CADPS2: variants seen among roughly 807,000 people sequenced by gnomAD.
The protein encoded by CADPS2 is calcium dependent secretion activator 2.
Under a neutral mutation model 172.5 loss-of-function variants are expected in CADPS2, and 93 were observed. The ratio of observed to expected loss-of-function variants is 0.54; its 90% CI spans 0.46 to 0.64. The LOEUF (loss-of-function observed/expected upper bound fraction) is 0.64, where lower values mean the gene tolerates loss of function less well. Ranked by LOEUF, CADPS2 falls within the 30% of genes least tolerant of loss-of-function variation. The pLI is 0.00. For synonymous variants in CADPS2, 546 were observed against 555.2 expected (o/e 0.98, Z 0.23); for missense variants, 1,420 against 1,565.9 (o/e 0.91, Z 1.57).
intron 3 of CADPS2, among the ~76,000 whole-genome samples, chr7:122,633,830 T>G (rs946922041): frequency 6.6e-6 from 1 of 152,156 alleles, no homozygotes; most frequent in African/African-American, 2.4e-5. Flanking sequence ...GGCTGTGAGT[T>G]TGTCATAGAT....
chr7:122,623,236 T>C (rs1278144541), intron 4 of CADPS2, among the ~76,000 whole-genome samples: 1 of 34,754 alleles, frequency 2.9e-5, no homozygotes, highest in East Asian at 6.7e-4. Context: ...TTTCCTTTAG[T>C]GGGGCGGGGG....
At chr7:122,612,317 T>A (rs2133807284) in intron 6 of CADPS2, among the ~76,000 whole-genome samples, 1 of 152,108 alleles carries the variant, frequency 6.6e-6, no homozygotes, top group African/African-American at 2.4e-5. Context: ...CCACTAAAAA[T>A]TTTAAAGTTA....
At chr7:122,441,262 A>G (rs1294393107) in intron 16 of CADPS2, among the ~76,000 whole-genome samples, 2 of 152,174 alleles carry the variant, frequency 1.3e-5, no homozygotes, top group Admixed American at 1.3e-4. Flanking sequence ...GAGGTAGGAA[A>G]AATGATTACT....
At chr7:122,360,429 T>A (rs373389567) in intron 27 of CADPS2, among the ~76,000 whole-genome samples, 18 of 152,324 alleles carry the variant, frequency 1.2e-4, no homozygotes, top group South Asian at 6.2e-4. Context: ...TTATTCTACC[T>A]TCTATAAGAA....
intron 23 of CADPS2, 26 bp downstream of exon 23, chr7:122,388,557 G>A (rs1411776882): frequency 1.3e-6 from 2 of 1,552,050 alleles, no homozygotes; most frequent in Admixed American, 1.9e-5. Context: ...GGCACATTAA[G>A]CAGCAATTTG....
At chr7:122,621,384 C>T (rs571442622) in intron 5 of CADPS2, 97 bp downstream of exon 5, 3 of 795,258 alleles carry the variant, frequency 3.8e-6, no homozygotes, top group African/African-American at 3.4e-5. Flanking sequence ...ATATATTACA[C>T]TGTTTTAAAT....
intron 3 of CADPS2, among the ~76,000 whole-genome samples, chr7:122,657,311 T>C (rs541757267): frequency 6.6e-6 from 1 of 152,202 alleles, no homozygotes; most frequent in South Asian, 2.1e-4. Flanking sequence ...TGGTTCCATA[T>C]GAACTTTAAA....
intron 2 of CADPS2, among the ~76,000 whole-genome samples, chr7:122,665,732 G>T (rs1247142997): frequency 6.6e-6 from 1 of 152,158 alleles, no homozygotes; most frequent in Non-Finnish European, 1.5e-5. Flanking sequence ...CCATTGTAAA[G>T]TTGAAAAATC....
intron 2 of CADPS2, among the ~76,000 whole-genome samples, chr7:122,729,405 T>G (rs1349619672): frequency 6.6e-6 from 1 of 151,770 alleles, no homozygotes; most frequent in Non-Finnish European, 1.5e-5. Flanking sequence ...TGCTGAATCT[T>G]ATGGTATTTC....
At chr7:122,541,612 C>CAT (rs988675272) in intron 8 of CADPS2, among the ~76,000 whole-genome samples, 7 of 143,144 alleles carry the variant, frequency 4.9e-5, no homozygotes, top group African/African-American at 1.8e-4. Context: ...TATATATTCA[C>CAT]ATATATCCAT....
At chr7:122,326,682 G>GAA (rs1430738395) in intron 28 of CADPS2, among the ~76,000 whole-genome samples, 1 of 151,458 alleles carries the variant, frequency 6.6e-6, no homozygotes, top group African/African-American at 2.4e-5. Flanking sequence ...AAAAAAATTA[G>GAA]AAAAAAAATT....
chr7:122,477,907 G>A (rs1386217106), intron 12 of CADPS2, among the ~76,000 whole-genome samples: 1 of 152,034 alleles, frequency 6.6e-6, no homozygotes, highest in African/African-American at 2.4e-5. Context: ...CTGCTAGTTT[G>A]TATCCTTTGA....
intron 1 of CADPS2, among the ~76,000 whole-genome samples, chr7:122,854,794 G>A (rs550099131): frequency 3.9e-5 from 6 of 152,284 alleles, no homozygotes; most frequent in East Asian, 3.9e-4. Context: ...GAATCAACCC[G>A]AGGAACAGGT....
At chr7:122,645,144 G>A (rs2078163928) in intron 3 of CADPS2, among the ~76,000 whole-genome samples, 1 of 149,966 alleles carries the variant, frequency 6.7e-6, no homozygotes, top group African/African-American at 2.4e-5. Context: ...TAAAAACCGT[G>A]GGACTTCTAT....
chr7:122,344,110 G>C (rs369022234), intron 28 of CADPS2, among the ~76,000 whole-genome samples: 64 of 152,200 alleles, frequency 4.2e-4, no homozygotes, highest in African/African-American at 1.4e-3. Flanking sequence ...TGACACGAGA[G>C]ACCACGGCAG....
chr7:122,885,518 T>G (rs1824102491), intron 1 of CADPS2, among the ~76,000 whole-genome samples: 1 of 152,186 alleles, frequency 6.6e-6, no homozygotes, highest in Admixed American at 6.5e-5. Context: ...CTACCCCTCT[T>G]AAGTGAAGAC....
intron 1 of CADPS2, among the ~76,000 whole-genome samples, chr7:122,839,981 A>G (rs543734948): frequency 1.6e-4 from 25 of 152,306 alleles, no homozygotes; most frequent in Middle Eastern, 3.4e-3. Flanking sequence ...ACATGCACAC[A>G]TATGTTTATT....
intron 2 of CADPS2, chr7:122,702,528 C>T (rs766500483): frequency 2.5e-6 from 4 of 1,613,646 alleles, no homozygotes; most frequent in South Asian, 1.1e-5. Context: ...GGAAGTGCCA[C>T]CACACCAGAC....
At chr7:122,882,450 T>C (rs1823165439) in intron 1 of CADPS2, among the ~76,000 whole-genome samples, 1 of 152,108 alleles carries the variant, frequency 6.6e-6, no homozygotes. Context: ...AACCTATGGA[T>C]TCTAATCAAA....
Sources: allele counts gnomAD v4.1 joint callset (sites outside exome capture counted in the v4.1 genomes callset), GRCh38; gene constraint gnomAD v4.1.1; transcripts MANE v1.5; gene names NCBI Gene and HGNC (gene_info 2026-07-23, HGNC 2026-07-21).